The following PCDHGA5 variants were observed in gnomAD, a reference collection of about 807,000 sequenced individuals.
PCDHGA5 encodes the protein protocadherin gamma-A5.
In PCDHGA5, 36 loss-of-function variants were observed where a neutral mutation model predicts 56.7. The ratio of observed to expected loss-of-function variants is 0.64; its 90% CI spans 0.49 to 0.84. PCDHGA5 has a LOEUF of 0.84. Ranked by LOEUF, PCDHGA5 falls within the 40% of genes least tolerant of loss-of-function variation. PCDHGA5 has a pLI of 0.00. For missense variants in PCDHGA5, 1,305 were observed against 1,201.5 expected, an observed-to-expected ratio of 1.09 and a Z score of -1.27; for synonymous variants, 563 against 520.2, an observed-to-expected ratio of 1.08 and a Z score of -1.12.
intron 1 of PCDHGA5, chr5:141,417,942 C>T (rs1324501154): frequency 2.5e-6 from 4 of 1,613,090 alleles, no homozygotes; most frequent in South Asian, 1.1e-5. Context: ...TTCTACCCCA[C>T]GCTGTGTGAG....
At chr5:141,510,900 G>A in intron 3 of PCDHGA5, 47 bp from the exon 4 acceptor site, 6 of 1,613,378 alleles carry the variant, frequency 3.7e-6, no homozygotes, top group Non-Finnish European at 5.1e-6. Context: ...AGTGACTGTT[G>A]AGGACCCTAA....
chr5:141,381,186 GC>G (rs1489730819), intron 1 of PCDHGA5, among the ~76,000 whole-genome samples: 7 of 152,226 alleles, frequency 4.6e-5, no homozygotes, highest in Non-Finnish European at 7.3e-5. Flanking sequence ...ACGAAGTTAA[GC>G]TTTCTTAGTG....
chr5:141,410,234 CG>C, intron 1 of PCDHGA5: 1 of 1,613,984 alleles, frequency 6.2e-7, no homozygotes, highest in Non-Finnish European at 8.5e-7. Context: ...CCTCAGCGAC[CG>C]CCCTGTACTC....
In PCDHGA5 at chr5:141,477,532, C is replaced by T. The variant is rs754570150; in HGVS notation, c.2422-17275C>T. On this transcript the variant is annotated intron_variant, in intron 1 of 3. Transcript: ENST00000518069. This position sits in a 1 kb window ranked among gnomAD's most constrained non-coding sequence, Gnocchi z 4.9. ...TTTACATTGAAGAAAACAACCTCCC[C>T]GGGGCTCCAATACTAAACCTAAGTG... 2.5e-6 allele frequency: 4 copies of T among 1,614,028 alleles called. No individual in the cohort carries two copies. Among genetic ancestry groups the T allele is most frequent in the Admixed American group, 1.7e-5 (1 of 60,000 alleles).
At position 141,429,460 on chromosome 5, in the gene PCDHGA5, C is replaced by T. The variant is rs528924726; in HGVS notation, c.2421+62709C>T. The stretch of plus-strand genomic sequence containing the variant: ...AAACTCTTGGGCTACAGTAATCCTC[C>T]CACCTCAATCTCCAGAGTAGCTGAG... On this transcript the variant is annotated intron_variant, in intron 1 of 3. Transcript: ENST00000518069. Among the ~76,000 whole-genome samples the T allele has an allele frequency of 1.6e-4, 25 of 151,938 alleles. 1 individual carries two copies. The South Asian group carries it at 4.6e-3, about 28-fold the overall frequency.
intron 1 of PCDHGA5, chr5:141,422,889 G>A (rs62378455): frequency 0.035 from 55,863 of 1,614,202 alleles, 1,109 homozygotes; most frequent in Middle Eastern, 0.098. Context: ...TGTTCGTGCT[G>A]GACCAGAACG....
rs755457564 is a variant in PCDHGA5, at chr5:141,394,423, G to A, written c.2421+27672G>A. The stretch of plus-strand genomic sequence containing the variant: ...CAGCTACTGGTAACAGCCAGCGACA[G>A]CGGGGACCCGCCCCTCAGCAGCAAC... On this transcript the variant is annotated intron_variant, in intron 1 of 3. Coordinates refer to ENST00000518069, the MANE Select transcript of PCDHGA5 (RefSeq NM_018918.3). 2.5e-6 allele frequency: 4 copies of A among 1,614,248 alleles called. No homozygotes were observed. The Admixed American group carries it at 6.7e-5, about 27-fold the overall frequency.
At chr5:141,390,385 C>T in intron 1 of PCDHGA5, 1 of 1,430,580 alleles carries the variant, frequency 7.0e-7, no homozygotes, top group South Asian at 1.3e-5. Flanking sequence ...TTTTAGATGT[C>T]ATGGATCATT....
chr5:141,422,222 C>A (rs1453283842), intron 1 of PCDHGA5: 2 of 1,564,972 alleles, frequency 1.3e-6, no homozygotes, highest in South Asian at 1.2e-5. Flanking sequence ...TTTACCACCA[C>A]GACGATGTTG....
chr5:141,383,324 T>C (rs750393068), intron 1 of PCDHGA5: 2 of 1,613,904 alleles, frequency 1.2e-6, no homozygotes, highest in African/African-American at 1.3e-5. Flanking sequence ...AATGTAAAAA[T>C]AATGGAGAAT....
chr5:141,411,868 A>AG (rs1463496640), intron 1 of PCDHGA5: 1 of 152,224 alleles, frequency 6.6e-6, no homozygotes, highest in East Asian at 1.9e-4. Flanking sequence ...TCAAAAAAAA[A>AG]AGACATTTCT....
intron 1 of PCDHGA5, chr5:141,384,334 C>G (rs1779970411): frequency 2.5e-6 from 4 of 1,613,846 alleles, no homozygotes; most frequent in Non-Finnish European, 2.5e-6. Flanking sequence ...TGCACAGGAC[C>G]ACGACAGTGA....
Position 141,431,920 on chromosome 5 carries a change from A to C in PCDHGA5, c.2422-62887A>C. On this transcript the variant is annotated intron_variant, in intron 1 of 3. Transcript: ENST00000518069. The surrounding 1 kb of genome is among the most constrained non-coding windows in gnomAD (Gnocchi z 4.8). ...ACGGACAGGTGATCTGTTTCATCCA[A>C]GGAAATCTGCCCTTTAAATTAGAAA... 1 of 1,614,164 alleles carries C rather than the reference A, an allele frequency of 6.2e-7. No individual in the cohort carries two copies. Among genetic ancestry groups the C allele is most frequent in the Non-Finnish European group, 8.5e-7 (1 of 1,179,976 alleles).
intron 1 of PCDHGA5, among the ~76,000 whole-genome samples, chr5:141,460,682 T>A (rs957470916): frequency 3.3e-5 from 5 of 152,134 alleles, no homozygotes; most frequent in African/African-American, 1.2e-4. Flanking sequence ...TATATCTATA[T>A]ATCCACCAAC....
intron 1 of PCDHGA5, chr5:141,422,585 T>C (rs1193597044): frequency 1.2e-6 from 2 of 1,613,930 alleles, no homozygotes; most frequent in African/African-American, 2.7e-5. Context: ...CCTCCCGTTT[T>C]TCCTCACTCC....
chr5:141,370,392 G>A (rs773955179), intron 1 of PCDHGA5: 5 of 1,544,672 alleles, frequency 3.2e-6, no homozygotes, highest in Non-Finnish European at 4.4e-6. Context: ...CGCAGAGAGC[G>A]GGATGGGAAA....
At chr5:141,456,058 C>T (rs1488082918) in intron 1 of PCDHGA5, among the ~76,000 whole-genome samples, 3 of 151,880 alleles carry the variant, frequency 2.0e-5, no homozygotes, top group Admixed American at 6.6e-5. Context: ...CCACCACGTC[C>T]GGCTAATTTT....
chr5:141,499,634 C>A (rs1194596079), intron 2 of PCDHGA5, among the ~76,000 whole-genome samples: 1 of 151,220 alleles, frequency 6.6e-6, no homozygotes, highest in Non-Finnish European at 1.5e-5. Flanking sequence ...TCTTTTGAAG[C>A]AAATCTCAGA....
intron 1 of PCDHGA5, chr5:141,375,405 A>G (rs1472795802): frequency 6.2e-7 from 1 of 1,613,932 alleles, no homozygotes; most frequent in South Asian, 1.1e-5. Context: ...ATCTCTCTAA[A>G]TGTGGCAGAC....
Sources: gnomAD v4.1 joint callset for allele counts (sites outside exome capture counted in the v4.1 genomes callset) on GRCh38, gnomAD v4.1.1 for gene constraint, Gnocchi (gnomAD v3.1) non-coding constraint, MANE v1.5 for transcripts, NCBI Gene and HGNC (gene_info 2026-07-23, HGNC 2026-07-21) for gene names.